The following SORBS3 variants were observed in gnomAD, a reference collection of about 807,000 sequenced individuals.
SORBS3 encodes sorbin and SH3 domain containing 3, also known as vinexin.
In SORBS3, 69 loss-of-function variants were observed where a neutral mutation model predicts 98.0. The ratio of observed to expected loss-of-function variants is 0.70; its 90% CI spans 0.58 to 0.86. The LOEUF (loss-of-function observed/expected upper bound fraction) is 0.86. Among genes scored for constraint, SORBS3 ranks in the 40% least tolerant of loss-of-function variants. SORBS3 has a pLI of 0.00. For missense variants in SORBS3, 954 were observed against 908.5 expected (o/e 1.05, Z -0.64); for synonymous variants, 394 against 355.4 (o/e 1.11, Z -1.22).
At chr8:22,557,352 G>C (rs1381024856) in intron 4 of SORBS3, among the ~76,000 whole-genome samples, 2 of 152,164 alleles carry the variant, frequency 1.3e-5, no homozygotes, top group Admixed American at 6.5e-5. Flanking sequence ...GTTAGGACTG[G>C]GGATACCCTG....
At chr8:22,569,695 GT>G (rs111733245) in intron 17 of SORBS3, among the ~76,000 whole-genome samples, 1,527 of 152,218 alleles carry the variant, frequency 0.01, 24 homozygotes, top group African/African-American at 0.035. Context: ...GGATTTCAAA[GT>G]TTTCCCCAGT....
Position 22,571,091 on chromosome 8 carries a change from G to T in SORBS3, c.1613G>T (p.Arg538Leu), listed in dbSNP as rs763085941. Residue 538 changes from arginine (R) to leucine (L), a missense_variant, in exon 18 of 21, where the codon CGC (arginine) becomes CTC (leucine). Coordinates refer to ENST00000240123, the MANE Select transcript of SORBS3 (RefSeq NM_005775.5). ...PTSPRLTAAA[R>L]SARHPSSPSA... ...TCTCCCCGCCTGACCGCTGCCGCCC[G>T]CTCAGCCCGTCACCCCAGCTCCCCC... The T allele has an allele frequency of 9.3e-6, 15 of 1,610,522 alleles. No individual in the cohort carries two copies. Among genetic ancestry groups the T allele is most frequent in the Non-Finnish European group, 1.3e-5 (15 of 1,179,398 alleles).
rs374794101 is a variant in SORBS3, at chr8:22,563,632, C to A, written c.585-355C>A. Among the ~76,000 whole-genome samples the A allele has an allele frequency of 5.9e-5, 9 of 152,272 alleles. No individual in the cohort carries two copies. In the East Asian group the frequency reaches 1.3e-3, roughly 23 times the overall value. Reference sequence around the variant, plus strand: ...ATACAGGACACTTTAGCAAAAAGGCCCACAGGAGAGGGTCGGGCCACACCT... The same window carrying A: ...ATACAGGACACTTTAGCAAAAAGGCACACAGGAGAGGGTCGGGCCACACCT... On this transcript the variant is annotated intron_variant, in intron 7 of 20. Transcript: ENST00000240123.
chr8:22,570,181 A>ATGCCTC (rs1273974272), intron 17 of SORBS3, among the ~76,000 whole-genome samples: 4 of 152,196 alleles, frequency 2.6e-5, no homozygotes, highest in African/African-American at 9.7e-5. Flanking sequence ...CCCATAGTGA[A>ATGCCTC]TGCCTCCCAG....
At chr8:22,550,257 C>T (rs578137818), upstream of SORBS3, among the ~76,000 whole-genome samples, 4 of 152,350 alleles carry the variant, frequency 2.6e-5, no homozygotes, top group African/African-American at 7.2e-5. Flanking sequence ...CCCATCTCTC[C>T]GCCTTCCTGG....
Position 22,572,464 on chromosome 8 carries a change from G to A in SORBS3, c.1954+18G>A. The stretch of plus-strand genomic sequence containing the variant: ...GTTTGTGGGTATGTGGGCAGGCCGG[G>A]AGGGGGCATCTCAGGGCCCCAGGGG... On this transcript the variant is annotated intron_variant, in intron 20 of 20. Coordinates refer to ENST00000240123, the MANE Select transcript of SORBS3 (RefSeq NM_005775.5). 13 of 1,594,718 alleles carry A rather than the reference G, an allele frequency of 8.2e-6. No homozygotes were observed. Among genetic ancestry groups the A allele is most frequent in the Admixed American group, 1.7e-5 (1 of 60,008 alleles).
intron 1 of SORBS3, among the ~76,000 whole-genome samples, chr8:22,552,925 C>T (rs1445079462): frequency 6.6e-6 from 1 of 152,184 alleles, no homozygotes; most frequent in Non-Finnish European, 1.5e-5. Context: ...CCTCCAGCCT[C>T]AGCCCTCCAC....
At chr8:22,563,217 C>G (rs1327563262) in intron 7 of SORBS3, among the ~76,000 whole-genome samples, 2 of 152,198 alleles carry the variant, frequency 1.3e-5, no homozygotes, top group Non-Finnish European at 2.9e-5. Flanking sequence ...GTCATTATTA[C>G]AGCCAACAAA....
intron 5 of SORBS3, among the ~76,000 whole-genome samples, chr8:22,560,300 G>A (rs148024362): frequency 6.6e-6 from 1 of 152,082 alleles, no homozygotes; most frequent in African/African-American, 2.4e-5. Flanking sequence ...GGGCAACATA[G>A]CATGATCCCG....
chr8:22,564,727 G>T, intron 10 of SORBS3: 1 of 1,419,106 alleles, frequency 7.0e-7, no homozygotes, highest in South Asian at 1.5e-5. Flanking sequence ...ATATGTGTTG[G>T]CCAAAGCAGG....
intron 17 of SORBS3, 131 bp downstream of exon 17, chr8:22,569,404 A>G: frequency 1.3e-6 from 1 of 776,212 alleles, no homozygotes; most frequent in African/African-American, 1.8e-5. Flanking sequence ...CAGTGGTGCC[A>G]TCTCGGCTCA....
At chr8:22,571,854 TGG>T (rs537010962) in intron 19 of SORBS3, 33 bp downstream of exon 19, 1 of 1,462,086 alleles carries the variant, frequency 6.8e-7, no homozygotes, top group Non-Finnish European at 9.6e-7. Context: ...TGATCAGACG[TGG>T]GGGGGGTCAC....
At position 22,554,515 on chromosome 8, in the gene SORBS3, CCCACCCCGCAGCCTCCGCGCTGGGCT is replaced by C. The variant is rs761650588; in HGVS notation, c.11_36del (p.Pro4GlnfsTer35). ...CCCACCTTGACCCAAGCATGCAGGG[CCCACCCCGCAGCCTCCGCGCTGGGCT>C]CAGCCTGGACGACTTCATCCCTGGC... On this transcript the variant is annotated frameshift_variant, in exon 2 of 21. Coordinates refer to ENST00000240123, the MANE Select transcript of SORBS3 (RefSeq NM_005775.5). LOFTEE classifies it high-confidence loss of function. The surrounding 1 kb of genome is among the most constrained non-coding windows in gnomAD (Gnocchi z 6.5). 1 of 1,611,276 alleles carries C rather than the reference CCCACCCCGCAGCCTCCGCGCTGGGCT, an allele frequency of 6.2e-7. No homozygotes were observed. Among genetic ancestry groups the C allele is most frequent in the South Asian group, 1.1e-5 (1 of 91,006 alleles).
chr8:22,558,034 G>A, intron 4 of SORBS3, 95 bp from the exon 5 acceptor site: 2 of 1,183,710 alleles, frequency 1.7e-6, no homozygotes, highest in Non-Finnish European at 2.5e-6. Flanking sequence ...TTCAGGGATG[G>A]CCAGAGAAGG....
chr8:22,552,111 C>A, intron 1 of SORBS3, 89 bp downstream of exon 1: 1 of 970,356 alleles, frequency 1.0e-6, no homozygotes, highest in African/African-American at 1.8e-5. Flanking sequence ...TAGCCCCTCC[C>A]CGGGGTCCGC....
rs1477861819 is a variant in SORBS3, at chr8:22,554,221, T to A, written c.-55-231T>A. The A allele has an allele frequency of 1.9e-5, 4 of 214,334 alleles. No individual in the cohort carries two copies. Among genetic ancestry groups the A allele is most frequent in the East Asian group, 1.1e-4 (1 of 9,330 alleles). The allele number at this position is 214,334 out of a possible 1,614,324, so 13.3% of individuals were successfully genotyped here. A position where few individuals can be genotyped will look rare whatever the true frequency, so the allele number is the denominator to read the frequency against. On this transcript the variant is annotated intron_variant, in intron 1 of 20. Coordinates refer to ENST00000240123, the MANE Select transcript of SORBS3 (RefSeq NM_005775.5). The surrounding 1 kb of genome is among the most constrained non-coding windows in gnomAD (Gnocchi z 6.5). ...CCCCTCCCCCACTCCCACCCGGAGC[T>A]CCTGCCCTGGGCCTAACAAGTGGTC... is the stretch of plus-strand genomic sequence containing the variant.
chr8:22,574,892 CT>C lies in SORBS3; in HGVS notation c.*165del, dbSNP rs1840692691. 1.4e-6 allele frequency: 1 copy of C among 719,878 alleles called. No homozygotes were observed. The allele number at this position is 719,878 out of a possible 1,614,324, so 44.6% of individuals were successfully genotyped here. A position where few individuals can be genotyped will look rare whatever the true frequency, so the allele number is the denominator to read the frequency against. ...TCCCTCGGACCCCCCTCGAAGCCCC[CT>C]GGACTGATTCCCACCCACGACTCAC... is the stretch of plus-strand genomic sequence containing the variant. On this transcript the variant is annotated 3_prime_UTR_variant, in exon 21 of 21. Transcript: ENST00000240123.
Position 22,571,083 on chromosome 8 carries a change from T to C in SORBS3, c.1605T>C (p.Ala535=). 6.2e-7 allele frequency: 1 copy of C among 1,611,696 alleles called. No homozygotes were observed. Among genetic ancestry groups the C allele is most frequent in the Non-Finnish European group, 8.5e-7 (1 of 1,179,592 alleles). ...PQLPTSPRLT[A]AARSARHPSS... is the part of the protein sequence containing the mutation. ...TCCCCACGTCTCCCCGCCTGACCGC[T>C]GCCGCCCGCTCAGCCCGTCACCCCA... Residue 535 remains alanine, a synonymous_variant, in exon 18 of 21, where the codon GCT becomes GCC. Coordinates refer to ENST00000240123, the MANE Select transcript of SORBS3 (RefSeq NM_005775.5).
At chr8:22,559,412 A>G (rs1194624128) in intron 5 of SORBS3, among the ~76,000 whole-genome samples, 1 of 152,220 alleles carries the variant, frequency 6.6e-6, no homozygotes, top group Non-Finnish European at 1.5e-5. Context: ...TAGGAGTAGC[A>G]TTCACAGGCC....
Sources: gnomAD v4.1 joint callset for allele counts (sites outside exome capture counted in the v4.1 genomes callset) on GRCh38, gnomAD v4.1.1 for gene constraint, Gnocchi (gnomAD v3.1) non-coding constraint, MANE v1.5 for transcripts, NCBI Gene and HGNC (gene_info 2026-07-23, HGNC 2026-07-21) for gene names.